The following PCNX2 variants were observed in gnomAD, a reference collection of about 807,000 sequenced individuals.
PCNX2 encodes pecanex-like protein 2.
A neutral mutation model predicts 223.8 loss-of-function variants in PCNX2; 168 were observed. The ratio of observed to expected loss-of-function variants is 0.75; its 90% confidence interval spans 0.66 to 0.85. PCNX2 has a LOEUF of 0.85. Ranked by LOEUF, PCNX2 falls within the 40% of genes least tolerant of loss-of-function variation. PCNX2 has a pLI of 0.00. For synonymous variants in PCNX2, 1,006 were observed against 1,052.6 expected (o/e 0.96, Z 0.86); for missense variants, 2,507 against 2,675.5 (o/e 0.94, Z 1.39).
intron 15 of PCNX2, among the ~76,000 whole-genome samples, chr1:233,198,592 TTTA>T (rs1343244677): frequency 6.6e-6 from 1 of 152,224 alleles, no homozygotes; most frequent in African/African-American, 2.4e-5. Flanking sequence ...ATTGTATTCC[TTTA>T]TTGTCTTTTG....
intron 23 of PCNX2, among the ~76,000 whole-genome samples, chr1:233,072,382 C>G (rs917831777): frequency 1.1e-4 from 17 of 152,174 alleles, no homozygotes; most frequent in Non-Finnish European, 2.5e-4. Flanking sequence ...ATGCCAGCAC[C>G]ATTTATTGAA....
Position 233,240,956 on chromosome 1 carries a change from T to C in PCNX2, c.2223-3976A>G, listed in dbSNP as rs188581305. Among the ~76,000 whole-genome samples, 13 of 152,344 alleles carry C rather than the reference T, an allele frequency of 8.5e-5. No individual in the cohort carries two copies. In the East Asian group the frequency reaches 2.5e-3, roughly 29 times the overall value. Reference sequence around the variant, plus strand: ...CATCTTCCCCAGAGTTTAAAGACGATAGCCTATCACTCTCAGAGAGAGGGC... The same window carrying C: ...CATCTTCCCCAGAGTTTAAAGACGACAGCCTATCACTCTCAGAGAGAGGGC... On this transcript the variant is annotated intron_variant, in intron 8 of 33. Transcript: ENST00000258229.
At chr1:233,257,989 C>T in intron 5 of PCNX2, 39 bp downstream of exon 5, 1 of 1,585,200 alleles carries the variant, frequency 6.3e-7, no homozygotes, top group Non-Finnish European at 8.6e-7. Context: ...GTATTGCCTT[C>T]TATGTCATCA....
At chr1:233,323,031 T>A in the PCNX2 span, among the ~76,000 whole-genome samples, 13 of 152,180 alleles carry the variant, frequency 8.5e-5, no homozygotes, top group Non-Finnish European at 1.6e-4. Flanking sequence ...GCTCAAAGCC[T>A]GGGAAGAAGT....
At chr1:233,190,998 C>T (rs1680392352) in intron 15 of PCNX2, among the ~76,000 whole-genome samples, 1 of 152,166 alleles carries the variant, frequency 6.6e-6, no homozygotes, top group African/African-American at 2.4e-5. Context: ...AATGGAGCCA[C>T]ATTTGGGGAG....
Position 233,032,164 on chromosome 1 carries a change from G to A in PCNX2, c.4352-6765C>T, listed in dbSNP as rs750414117. 7.0e-5 allele frequency: 49 copies of A among 700,188 alleles called. No homozygotes were observed. In the Admixed American group the frequency reaches 1.6e-3, roughly 23 times the overall value. 43.4% of individuals were successfully genotyped at this position (700,188 alleles called of 1,614,324 possible). ...GTTGCCCAGGCTGGAGTGCAATGGC[G>A]CGATCTTGGCTTACCACAACCTCCG... On this transcript the variant is annotated intron_variant, in intron 25 of 33. Transcript: ENST00000258229.
At chr1:233,069,339 T>A (rs1204366865) in intron 23 of PCNX2, among the ~76,000 whole-genome samples, 2 of 152,098 alleles carry the variant, frequency 1.3e-5, no homozygotes, top group African/African-American at 4.8e-5. Context: ...AAGAACTCAG[T>A]AACACTATCA....
rs980306154 is a variant in PCNX2 at position 232,985,755 on chromosome 1, G to A, written c.6240+337C>T. 10 of 579,774 alleles carry A rather than the reference G, an allele frequency of 1.7e-5. No individual in the cohort carries two copies. The East Asian group carries it at 2.8e-4, about 16-fold the overall frequency. The allele number at this position is 579,774 out of a possible 1,614,324, so 35.9% of individuals were successfully genotyped here. A position where few individuals can be genotyped will look rare whatever the true frequency, so the allele number is the denominator to read the frequency against. ...CTCAGGCCAGAATCATGTGAGAAGAGTCCTGCTGTGTGAATGGGTGGAGGG... is the reference window on the plus strand; with the variant it reads ...CTCAGGCCAGAATCATGTGAGAAGAATCCTGCTGTGTGAATGGGTGGAGGG... On this transcript the variant is annotated intron_variant, in intron 33 of 33. Coordinates refer to ENST00000258229, the MANE Select transcript of PCNX2 (RefSeq NM_014801.4).
At chr1:233,066,172 A>C (rs926635151) in intron 23 of PCNX2, among the ~76,000 whole-genome samples, 3 of 152,142 alleles carry the variant, frequency 2.0e-5, no homozygotes, top group Admixed American at 2.0e-4. Context: ...TCAGTCTCTG[A>C]TTGTCTACAT....
chr1:232,986,972 CA>C (rs1669514480), intron 32 of PCNX2, among the ~76,000 whole-genome samples: 1 of 152,230 alleles, frequency 6.6e-6, no homozygotes, highest in Non-Finnish European at 1.5e-5. Flanking sequence ...CCTTGGTTCC[CA>C]TGCTCATCCG....
At chr1:233,323,294 G>C in the PCNX2 span, among the ~76,000 whole-genome samples, 1 of 152,142 alleles carries the variant, frequency 6.6e-6, no homozygotes, top group Non-Finnish European at 1.5e-5. Context: ...ATGTTTTTTT[G>C]TGTACTATCA....
intron 23 of PCNX2, among the ~76,000 whole-genome samples, chr1:233,085,795 C>T (rs770824799): frequency 3.1e-4 from 47 of 152,136 alleles, no homozygotes; most frequent in Non-Finnish European, 5.6e-4. Flanking sequence ...TCTGAGGCTA[C>T]ACGAAAAGAG....
At chr1:233,220,745 G>T (rs701180) in intron 10 of PCNX2, among the ~76,000 whole-genome samples, 100,475 of 151,958 alleles carry the variant, frequency 0.66, 33,429 homozygotes, top group East Asian at 0.79. Flanking sequence ...AAAAAATGAG[G>T]GAAAAAGAAC....
the PCNX2 span, among the ~76,000 whole-genome samples, chr1:233,309,993 A>G: frequency 6.6e-6 from 1 of 152,222 alleles, no homozygotes; most frequent in East Asian, 1.9e-4. Context: ...TAATAAAGTT[A>G]TTAATAATTC....
chr1:233,146,493 C>A (rs1453378884), intron 19 of PCNX2, among the ~76,000 whole-genome samples: 1 of 152,150 alleles, frequency 6.6e-6, no homozygotes, highest in South Asian at 2.1e-4. Context: ...AAGTTTCTTT[C>A]TGTACAAAAT....
At chr1:233,069,274 C>G (rs1051870553) in intron 23 of PCNX2, among the ~76,000 whole-genome samples, 1 of 152,038 alleles carries the variant, frequency 6.6e-6, no homozygotes, top group Admixed American at 6.6e-5. Flanking sequence ...GACTTAAACA[C>G]CCATGTCTTA....
intron 22 of PCNX2, chr1:233,095,494 G>C: frequency 4.2e-6 from 2 of 476,672 alleles, no homozygotes; most frequent in Non-Finnish European, 7.5e-6. Flanking sequence ...CCTTAATGCA[G>C]ATCTGGGCAT....
rs1662009521 is a variant in PCNX2 at position 233,295,237 on chromosome 1, G to A, written c.153+89C>T. The A allele has an allele frequency of 9.8e-6, 15 of 1,525,148 alleles. No homozygotes were observed. The highest frequency in any genetic ancestry group is 1.2e-5 in the Non-Finnish European group (14 of 1,125,568). The allele number at this position is 1,525,148 out of a possible 1,614,324, so 94.5% of individuals were successfully genotyped here. A position where few individuals can be genotyped will look rare whatever the true frequency, so the allele number is the denominator to read the frequency against. On this transcript the variant is annotated intron_variant, in intron 1 of 33. Coordinates refer to ENST00000258229, the MANE Select transcript of PCNX2 (RefSeq NM_014801.4). The surrounding 1 kb of genome is among the most constrained non-coding windows in gnomAD (Gnocchi z 4.1). Reference sequence around the variant, plus strand: ...CTTAAGAATCTCTACGAACCCGAAAGCCCGTGAGGCTGATGGCACGTCTGT... The same window carrying A: ...CTTAAGAATCTCTACGAACCCGAAAACCCGTGAGGCTGATGGCACGTCTGT...
intron 15 of PCNX2, among the ~76,000 whole-genome samples, chr1:233,188,804 A>C (rs1680256547): frequency 6.6e-6 from 1 of 152,192 alleles, no homozygotes; most frequent in Admixed American, 6.5e-5. Flanking sequence ...TACAGGCATG[A>C]GCCACCGCAC....
Sources: allele counts gnomAD v4.1 joint callset (sites outside exome capture counted in the v4.1 genomes callset), GRCh38; gene constraint gnomAD v4.1.1; non-coding constraint Gnocchi (gnomAD v3.1); transcripts MANE v1.5; gene names NCBI Gene and HGNC (gene_info 2026-07-23, HGNC 2026-07-21).